HDAC11: variants seen among roughly 807,000 people sequenced by gnomAD.
The protein encoded by HDAC11 is histone deacetylase 11.
A neutral mutation model predicts 41.1 loss-of-function variants in HDAC11; 23 were observed. The observed-to-expected ratio is 0.56, with a 90% confidence interval of 0.40 to 0.79. The LOEUF is 0.79. HDAC11 is among the 30% of genes least tolerant of loss of function. HDAC11 has a pLI of 0.00. For missense variants in HDAC11, 402 were observed against 477.3 expected, an observed-to-expected ratio of 0.84 and a Z score of 1.47; for synonymous variants, 187 against 186.6, an observed-to-expected ratio of 1.00 and a Z score of -0.02.
At chr3:13,481,995 TA>T (rs1420801117) in intron 2 of HDAC11, among the ~76,000 whole-genome samples, 8 of 152,214 alleles carry the variant, frequency 5.3e-5, no homozygotes, top group Admixed American at 5.2e-4. Context: ...GCACTCATTA[TA>T]AGATTGTAAA....
chr3:13,503,520 C>T (rs893751873), intron 8 of HDAC11, among the ~76,000 whole-genome samples: 6 of 152,222 alleles, frequency 3.9e-5, no homozygotes, highest in Non-Finnish European at 8.8e-5. Flanking sequence ...GCCGAGATCG[C>T]GCCATTGCAC....
rs558606261 is a variant in HDAC11 at position 13,486,686 on chromosome 3, T to C, written c.252+3122T>C. 2.7e-5 allele frequency among the ~76,000 whole-genome samples: 4 copies of C among 149,344 alleles called. No individual in the cohort carries two copies. The East Asian group carries it at 8.2e-4, about 31-fold the overall frequency. ...CTCTGCCTCTTGGTTCAAGCGATTCTCCTGCCTCAGCCTCCCAAGTAGCTA... is the reference window on the plus strand; with the variant it reads ...CTCTGCCTCTTGGTTCAAGCGATTCCCCTGCCTCAGCCTCCCAAGTAGCTA... On this transcript the variant is annotated intron_variant, in intron 3 of 9. Coordinates refer to ENST00000295757, the MANE Select transcript of HDAC11 (RefSeq NM_024827.4).
At chr3:13,483,694 G>T in intron 3 of HDAC11, 130 bp downstream of exon 3, 1 of 690,886 alleles carries the variant, frequency 1.4e-6, no homozygotes, top group Non-Finnish European at 2.6e-6. Flanking sequence ...TGTCCCTAGT[G>T]TTGGAGGAAC....
chr3:13,488,185 AG>A (rs1383156992), intron 3 of HDAC11, among the ~76,000 whole-genome samples: 2 of 151,768 alleles, frequency 1.3e-5, no homozygotes, highest in Admixed American at 6.6e-5. Flanking sequence ...TAGGGGAGTG[AG>A]CTCCTCTTGG....
At position 13,504,572 on chromosome 3, in the gene HDAC11, C is replaced by T. The variant is rs1318237997; in HGVS notation, c.933C>T (p.Ile311=). The stretch of plus-strand genomic sequence containing the variant: ...GGTACCAGAAGCGCACAGCCCGCAT[C>T]ATTGCTGACTCCATACTTAATCTGT... The part of the protein sequence containing the change: ...SGGYQKRTAR[I]IADSILNLFG... Residue 311 remains isoleucine, a synonymous_variant, in exon 10 of 10, where the codon ATC becomes ATT. Coordinates refer to ENST00000295757, the MANE Select transcript of HDAC11 (RefSeq NM_024827.4). 6.2e-6 allele frequency: 10 copies of T among 1,613,770 alleles called. No individual in the cohort carries two copies. Among genetic ancestry groups the T allele is most frequent in the Middle Eastern group, 1.6e-4 (1 of 6,062 alleles).
At position 13,483,634 on chromosome 3, in the gene HDAC11, CAGG is replaced by C. The variant is rs574660382; in HGVS notation, c.252+74_252+76del. 5.5e-4 allele frequency: 679 copies of C among 1,244,808 alleles called. 1 individual carries two copies. Among genetic ancestry groups the C allele is most frequent in the Admixed American group, 1.5e-3 (88 of 57,832 alleles). 77.1% of individuals were successfully genotyped at this position (1,244,808 alleles called of 1,614,324 possible). ...GCTGCTGGCCAGGAGTGGCCAGAGG[CAGG>C]AGGTGACTCAGCCTGGGGAAGCCAA... On this transcript the variant is annotated intron_variant, in intron 3 of 9. Transcript: ENST00000295757.
At position 13,502,847 on chromosome 3, in the gene HDAC11, C is replaced by A. The variant is rs1213318444; in HGVS notation, c.553-37C>A. On this transcript the variant is annotated intron_variant, in intron 7 of 9. Coordinates refer to ENST00000295757, the MANE Select transcript of HDAC11 (RefSeq NM_024827.4). This position sits in a 1 kb window ranked among gnomAD's most constrained non-coding sequence, Gnocchi z 4.1. ...GGCAGAGCCCCAGCCTTGCCTAGGGCACCTACCCGAGAGCGGCTACTGTGA... is the reference window on the plus strand; with the variant it reads ...GGCAGAGCCCCAGCCTTGCCTAGGGAACCTACCCGAGAGCGGCTACTGTGA... 6.4e-7 allele frequency: 1 copy of A among 1,559,016 alleles called. No homozygotes were observed. The highest frequency in any genetic ancestry group is 8.8e-7 in the Non-Finnish European group (1 of 1,131,810).
In HDAC11 at chr3:13,502,879, C is replaced by A; in HGVS notation, c.553-5C>A. The A allele has an allele frequency of 6.2e-7, 1 of 1,612,830 alleles. No homozygotes were observed. Among genetic ancestry groups the A allele is most frequent in the South Asian group, 1.1e-5 (1 of 91,052 alleles). On this transcript the variant is annotated splice_region_variant and splice_polypyrimidine_tract_variant and intron_variant, in intron 7 of 9. Coordinates refer to ENST00000295757, the MANE Select transcript of HDAC11 (RefSeq NM_024827.4). The surrounding 1 kb of genome is among the most constrained non-coding windows in gnomAD (Gnocchi z 4.1). Reference sequence around the variant, plus strand: ...CCGAGAGCGGCTACTGTGACCTCCCCACAGGGCAATGGGCATGAGCGAGAC... The same window carrying A: ...CCGAGAGCGGCTACTGTGACCTCCCAACAGGGCAATGGGCATGAGCGAGAC...
At chr3:13,497,245 C>T (rs1473611095) in intron 4 of HDAC11, among the ~76,000 whole-genome samples, 2 of 151,090 alleles carry the variant, frequency 1.3e-5, no homozygotes, top group Non-Finnish European at 2.9e-5. Context: ...GTGGTGTGAT[C>T]TTGGCTCACT....
At chr3:13,487,077 A>G (rs1701630178) in intron 3 of HDAC11, among the ~76,000 whole-genome samples, 1 of 152,176 alleles carries the variant, frequency 6.6e-6, no homozygotes. Context: ...AGGAGTGTAT[A>G]TGTTGTTCCA....
rs1701271398 is a variant in HDAC11, at chr3:13,480,710, G to A, written c.2+361G>A. On this transcript the variant is annotated intron_variant, in intron 1 of 9. Coordinates refer to ENST00000295757, the MANE Select transcript of HDAC11 (RefSeq NM_024827.4). This position sits in a 1 kb window ranked among gnomAD's most constrained non-coding sequence, Gnocchi z 4.6. ...CTGTCTCTGGGTGACGACTGCCAGG[G>A]TGTGATGGGAAGGGTTAGCAGCGCA... The A allele has an allele frequency of 2.1e-6, 1 of 484,956 alleles. No homozygotes were observed. The highest frequency in any genetic ancestry group is 1.6e-5 in the South Asian group (1 of 61,894). 30.0% of individuals were successfully genotyped at this position (484,956 alleles called of 1,614,324 possible). A position where few individuals can be genotyped will look rare whatever the true frequency, so the allele number is the denominator to read the frequency against.
intron 1 of HDAC11, 61 bp from the exon 2 acceptor site, chr3:13,481,185 G>A: frequency 6.4e-7 from 1 of 1,556,146 alleles, no homozygotes; most frequent in Non-Finnish European, 8.7e-7. Flanking sequence ...GCGGGCTCGG[G>A]AGGGAGCTGC....
chr3:13,489,137 T>G lies in HDAC11; in HGVS notation c.252+5573T>G, dbSNP rs560022892. ...TTGTTGAGTTGTAGGGTTCTTTATA[T>G]ATTCTGGATATTATTTAATTTGTAA... On this transcript the variant is annotated intron_variant, in intron 3 of 9. Transcript: ENST00000295757. 7.2e-5 allele frequency among the ~76,000 whole-genome samples: 11 copies of G among 152,338 alleles called. No homozygotes were observed. In the South Asian group the frequency reaches 1.7e-3, roughly 23 times the overall value.
intron 3 of HDAC11, among the ~76,000 whole-genome samples, chr3:13,484,978 C>T (rs982891084): frequency 1.3e-5 from 2 of 152,180 alleles, no homozygotes; most frequent in Non-Finnish European, 2.9e-5. Context: ...AGCCCTGACC[C>T]CCAGGCTCCC....
intron 6 of HDAC11, among the ~76,000 whole-genome samples, chr3:13,501,009 A>T (rs1702338564): frequency 6.6e-6 from 1 of 152,136 alleles, no homozygotes; most frequent in South Asian, 2.1e-4. Context: ...GGTGGAAGGG[A>T]GTTATTCCAG....
chr3:13,503,068 A>G, intron 8 of HDAC11, 88 bp downstream of exon 8: 1 of 944,898 alleles, frequency 1.1e-6, no homozygotes. Flanking sequence ...GGCCCTGCAG[A>G]AGCCACTGCA....
At chr3:13,498,607 G>T (rs759742630) in intron 5 of HDAC11, 52 bp downstream of exon 5, 47 of 1,493,516 alleles carry the variant, frequency 3.1e-5, no homozygotes, top group Non-Finnish European at 4.4e-5. Context: ...GGTGGAACTG[G>T]CCTGAAAGGG....
intron 3 of HDAC11, among the ~76,000 whole-genome samples, chr3:13,490,038 T>C (rs1208902148): frequency 6.6e-6 from 1 of 151,282 alleles, no homozygotes; most frequent in African/African-American, 2.4e-5. Context: ...TTGTCGCCTA[T>C]GCTGGAGTGC....
chr3:13,490,966 G>A (rs1297407639), intron 3 of HDAC11, among the ~76,000 whole-genome samples: 1 of 151,370 alleles, frequency 6.6e-6, no homozygotes. Context: ...GGCCAGTGTG[G>A]TCTCGATCTC....
Sources: gnomAD v4.1 joint callset for allele counts (sites outside exome capture counted in the v4.1 genomes callset) on GRCh38, gnomAD v4.1.1 for gene constraint, Gnocchi (gnomAD v3.1) non-coding constraint, MANE v1.5 for transcripts, NCBI Gene and HGNC (gene_info 2026-07-23, HGNC 2026-07-21) for gene names.